Variants in PPFIA2 observed in about 807,000 individuals in gnomAD.
PPFIA2 encodes the protein liprin-alpha-2.
In PPFIA2, 46 loss-of-function variants were observed where a neutral mutation model predicts 175.5. The ratio of observed to expected loss-of-function variants is 0.26; its 90% confidence interval spans 0.21 to 0.34. The LOEUF is 0.34. PPFIA2 is among the 10% of genes least tolerant of loss of function. PPFIA2 has a pLI of 1.00. For synonymous variants in PPFIA2, 568 were observed against 511.4 expected, an observed-to-expected ratio of 1.11 and a Z score of -1.49; for missense variants, 1,179 against 1,506.1, an observed-to-expected ratio of 0.78 and a Z score of 3.60.
intron 14 of PPFIA2, among the ~76,000 whole-genome samples, chr12:81,365,939 C>T (rs2033103202): frequency 6.6e-6 from 1 of 150,508 alleles, no homozygotes; most frequent in African/African-American, 2.4e-5. Context: ...TCATCTTTTC[C>T]AATACCTTCT....
At chr12:81,485,687 A>C (rs1280675450) in intron 4 of PPFIA2, among the ~76,000 whole-genome samples, 3 of 151,962 alleles carry the variant, frequency 2.0e-5, no homozygotes, top group Non-Finnish European at 4.4e-5. Flanking sequence ...GAAATGTATA[A>C]CACAAGTCAC....
intron 24 of PPFIA2, among the ~76,000 whole-genome samples, chr12:81,293,342 A>G (rs1205104758): frequency 1.3e-5 from 2 of 152,094 alleles, no homozygotes; most frequent in African/African-American, 4.8e-5. Flanking sequence ...TTCTAGGATT[A>G]GGATAGGTAA....
chr12:81,344,604 A>G, intron 19 of PPFIA2, 60 bp downstream of exon 19: 1 of 1,225,682 alleles, frequency 8.2e-7, no homozygotes, highest in South Asian at 1.6e-5. Flanking sequence ...TATTATTTTA[A>G]AGCTTTCATA....
At chr12:81,721,244 GA>G (rs2079290088) in intron 3 of PPFIA2, among the ~76,000 whole-genome samples, 1 of 151,208 alleles carries the variant, frequency 6.6e-6, no homozygotes. Flanking sequence ...GGTTTTCCTA[GA>G]AAAATTTCCC....
At chr12:81,289,888 C>A (rs2044449501) in intron 24 of PPFIA2, among the ~76,000 whole-genome samples, 1 of 151,808 alleles carries the variant, frequency 6.6e-6, no homozygotes, top group South Asian at 2.1e-4. Flanking sequence ...CCATCTCTAT[C>A]CTACTAGGTA....
At chr12:81,330,375 T>C (rs1246751472) in intron 21 of PPFIA2, among the ~76,000 whole-genome samples, 1 of 152,204 alleles carries the variant, frequency 6.6e-6, no homozygotes, top group African/African-American at 2.4e-5. Context: ...AATTATGTAA[T>C]GTTCTTAATT....
intron 28 of PPFIA2, 68 bp downstream of exon 28, chr12:81,277,249 A>T: frequency 7.6e-7 from 1 of 1,322,798 alleles, no homozygotes; most frequent in Non-Finnish European, 1.0e-6. Context: ...ATAACATTTT[A>T]GGTTAGTAAA....
intron 4 of PPFIA2, among the ~76,000 whole-genome samples, chr12:81,468,363 C>T (rs549762313): frequency 3.9e-5 from 6 of 152,282 alleles, no homozygotes; most frequent in South Asian, 4.1e-4. Context: ...GTACAATCAC[C>T]AGGCCCAGTA....
At position 81,362,720 on chromosome 12, in the gene PPFIA2, C is replaced by T. The variant is rs2031346133; in HGVS notation, c.1610G>A (p.Gly537Asp). The change falls in exon 15 of 33, where the codon GGC becomes GAC. Residue 537 changes from glycine to aspartate, a missense_variant. Gly to Asp is a moderately conservative substitution (Grantham distance 94). This residue lies in a region of PPFIA2 where 186 missense variants were observed against 163.6 expected (regional missense o/e 1.14). Transcript: ENST00000549396. ...TGGTATTGTGGGTTCAATTAAAGAG[C>T]CAGTTCTCATTTTCAATTGGTCAAG... Reference protein sequence around the residue: ...SELDQLKMRTGSLIEPTIPRT... With the variant: ...SELDQLKMRTDSLIEPTIPRT... The T allele has an allele frequency of 5.8e-6, 9 of 1,546,536 alleles. No homozygotes were observed. The highest frequency in any genetic ancestry group is 7.9e-6 in the Non-Finnish European group (9 of 1,143,126).
chr12:81,401,177 T>C (rs1013331155), intron 8 of PPFIA2, among the ~76,000 whole-genome samples: 19 of 152,146 alleles, frequency 1.2e-4, no homozygotes, highest in African/African-American at 4.6e-4. Context: ...ATCATTATAT[T>C]CCTACCACCT....
chr12:81,355,690 G>A (rs1441988500), intron 16 of PPFIA2, among the ~76,000 whole-genome samples: 1 of 152,180 alleles, frequency 6.6e-6, no homozygotes, highest in Non-Finnish European at 1.5e-5. Flanking sequence ...ATGTTGTGAA[G>A]ATGGCTTCCT....
chr12:81,509,738 G>T (rs928187897), intron 4 of PPFIA2, among the ~76,000 whole-genome samples: 2 of 152,046 alleles, frequency 1.3e-5, no homozygotes, highest in Middle Eastern at 3.2e-3. Flanking sequence ...CCTAGAACAG[G>T]TTGGAATTCT....
intron 4 of PPFIA2, among the ~76,000 whole-genome samples, chr12:81,523,690 A>C (rs1176828281): frequency 6.6e-6 from 1 of 152,118 alleles, no homozygotes; most frequent in Non-Finnish European, 1.5e-5. Context: ...AAAAACCTAG[A>C]GCTTACCTCT....
chr12:81,493,239 A>C (rs2059609655), intron 4 of PPFIA2, among the ~76,000 whole-genome samples: 1 of 152,056 alleles, frequency 6.6e-6, no homozygotes, highest in Non-Finnish European at 1.5e-5. Context: ...GCTAATATAG[A>C]AGTCATCATT....
chr12:81,457,777 T>C lies in PPFIA2; in HGVS notation c.393A>G (p.Arg131=). 6.2e-7 allele frequency: 1 copy of C among 1,604,636 alleles called. No homozygotes were observed. Among genetic ancestry groups the C allele is most frequent in the East Asian group, 2.2e-5 (1 of 44,670 alleles). ...EEEISELKAE[R]NNTRLLLEHL... is the part of the protein sequence containing the mutation. ...GCTTTACACTTACTCTTGTGTTGTT[T>C]CTTTCAGCTTTAAGTTCAGAGATTT... The change falls in exon 5 of 33, where the codon AGA becomes AGG. Residue 131 remains arginine, a synonymous_variant. Transcript: ENST00000549396.
chr12:81,490,288 C>T (rs536427776), intron 4 of PPFIA2, among the ~76,000 whole-genome samples: 12 of 151,760 alleles, frequency 7.9e-5, no homozygotes, highest in Admixed American at 3.3e-4. Flanking sequence ...TTTCTAGAAA[C>T]GCAACCCACT....
At chr12:81,755,051 A>C (rs2084421728) in intron 2 of PPFIA2, among the ~76,000 whole-genome samples, 1 of 152,202 alleles carries the variant, frequency 6.6e-6, no homozygotes, top group South Asian at 2.1e-4. Context: ...CATCCAAACA[A>C]TACAAACTAG....
intron 4 of PPFIA2, among the ~76,000 whole-genome samples, chr12:81,529,221 C>T (rs557853319): frequency 6.6e-6 from 1 of 151,798 alleles, no homozygotes; most frequent in Non-Finnish European, 1.5e-5. Context: ...GAAAATACTA[C>T]AAAATATGTA....
At position 81,337,614 on chromosome 12, in the gene PPFIA2, G is replaced by C. The variant is rs572204386; in HGVS notation, c.2548+1566C>G. On this transcript the variant is annotated intron_variant, in intron 21 of 32. Transcript: ENST00000549396. Reference sequence around the variant, plus strand: ...GGAATTTCTCATCAAAGTTAAATATGAAATAAAAATATAAAATTTTAAGTG... The same window carrying C: ...GGAATTTCTCATCAAAGTTAAATATCAAATAAAAATATAAAATTTTAAGTG... Among the ~76,000 whole-genome samples the C allele has an allele frequency of 1.1e-4, 16 of 151,998 alleles. 1 individual carries two copies. The East Asian group carries it at 2.9e-3, about 28-fold the overall frequency.
Sources: gnomAD v4.1 joint callset for allele counts (sites outside exome capture counted in the v4.1 genomes callset) on GRCh38, gnomAD v4.1.1 for gene constraint, gnomAD v4.1.1 regional missense constraint, MANE v1.5 for transcripts, NCBI Gene and HGNC (gene_info 2026-07-23, HGNC 2026-07-21) for gene names.